The following KIF6 variants were observed in gnomAD, a reference collection of about 807,000 sequenced individuals.
The protein encoded by KIF6 is kinesin-like protein KIF6.
A neutral mutation model predicts 112.7 loss-of-function variants in KIF6; 106 were observed. That is an observed-to-expected ratio of 0.94 (90% confidence interval 0.80 to 1.11). The LOEUF is 1.11. KIF6 is among the 50% of genes least tolerant of loss of function. The pLI, the probability that KIF6 is intolerant of heterozygous loss-of-function variation, is 0.00. For missense variants in KIF6, 929 were observed against 964.0 expected, an observed-to-expected ratio of 0.96 and a Z score of 0.48; for synonymous variants, 339 against 339.9, an observed-to-expected ratio of 1.00 and a Z score of 0.03.
intron 14 of KIF6, among the ~76,000 whole-genome samples, chr6:39,420,791 C>A (rs570886015): frequency 5.3e-5 from 8 of 152,086 alleles, no homozygotes; most frequent in Non-Finnish European, 1.2e-4. Context: ...TGATTTTGTG[C>A]CCCGATGTTT....
chr6:39,549,672 C>G (rs997024942), intron 10 of KIF6, among the ~76,000 whole-genome samples: 18 of 152,182 alleles, frequency 1.2e-4, no homozygotes, highest in African/African-American at 4.1e-4. Flanking sequence ...AACTGAAAAG[C>G]AGTTGCTTAG....
Position 39,639,602 on chromosome 6 carries a change from T to C in KIF6, c.399+8A>G. 1 of 1,551,054 alleles carries C rather than the reference T, an allele frequency of 6.4e-7. No homozygotes were observed. The highest frequency in any genetic ancestry group is 8.7e-7 in the Non-Finnish European group (1 of 1,152,874). On this transcript the variant is annotated splice_region_variant and intron_variant, in intron 4 of 22. Coordinates refer to ENST00000287152, the MANE Select transcript of KIF6 (RefSeq NM_145027.6). ...AATACAAAATGATATGAACGAAAAG[T>C]TTCATACCTTTTGTAACTGTTCAAA...
chr6:39,649,474 TAAACTAGAGTCA>T (rs2150787136), intron 3 of KIF6, among the ~76,000 whole-genome samples: 1 of 152,298 alleles, frequency 6.6e-6, no homozygotes, highest in Non-Finnish European at 1.5e-5. Flanking sequence ...TACTGGTTAT[TAAACTAGAGTCA>T]CAAAGAAAGA....
intron 3 of KIF6, among the ~76,000 whole-genome samples, chr6:39,681,243 T>G (rs1787492107): frequency 2.6e-5 from 4 of 152,210 alleles, no homozygotes. Flanking sequence ...CCAAGCTGTT[T>G]CCATATTTCA....
intron 3 of KIF6, among the ~76,000 whole-genome samples, chr6:39,711,426 C>A (rs1045549236): frequency 1.3e-5 from 2 of 152,054 alleles, no homozygotes; most frequent in African/African-American, 4.8e-5. Context: ...GAGTGCTATA[C>A]CCAGTCAAAT....
chr6:39,341,234 G>T (rs370294998), intron 22 of KIF6, among the ~76,000 whole-genome samples: 1 of 152,058 alleles, frequency 6.6e-6, no homozygotes, highest in East Asian at 1.9e-4. Flanking sequence ...TGGCTAAATG[G>T]TGCTTGTCCA....
Position 39,356,302 on chromosome 6 carries a change from G to A in KIF6, c.2180+975C>T, listed in dbSNP as rs188843711. On this transcript the variant is annotated intron_variant, in intron 19 of 22. Coordinates refer to ENST00000287152, the MANE Select transcript of KIF6 (RefSeq NM_145027.6). ...TTTTTTTTTTTGAGACGGAGTCTCT[G>A]TCGCCCAGGCTGGAGTGCAGTGGCA... Among the ~76,000 whole-genome samples, 64 of 151,458 alleles carry A rather than the reference G, an allele frequency of 4.2e-4. 1 individual carries two copies. In the East Asian group the frequency reaches 0.012, roughly 29 times the overall value.
At chr6:39,445,430 G>A (rs1032006093) in intron 13 of KIF6, among the ~76,000 whole-genome samples, 2 of 152,206 alleles carry the variant, frequency 1.3e-5, no homozygotes, top group African/African-American at 2.4e-5. Context: ...TTCAGGCTGA[G>A]TCAACTGGTG....
At chr6:39,488,096 T>C (rs1775240658) in intron 13 of KIF6, among the ~76,000 whole-genome samples, 1 of 152,140 alleles carries the variant, frequency 6.6e-6, no homozygotes, top group South Asian at 2.1e-4. Context: ...TAATAATTTC[T>C]ATTATATTTC....
At chr6:39,504,269 C>T (rs114761742) in intron 13 of KIF6, among the ~76,000 whole-genome samples, 3,517 of 152,246 alleles carry the variant, frequency 0.023, 87 homozygotes, top group African/African-American at 0.064. Flanking sequence ...ACGATTATCT[C>T]AATCGAAGCA....
chr6:39,588,506 G>C (rs1484617052), intron 7 of KIF6, among the ~76,000 whole-genome samples: 2 of 152,138 alleles, frequency 1.3e-5, no homozygotes, highest in Admixed American at 6.5e-5. Context: ...GAGCCACTGT[G>C]CCCAGCCATT....
intron 13 of KIF6, among the ~76,000 whole-genome samples, chr6:39,526,564 T>A (rs957857856): frequency 1.3e-5 from 2 of 152,192 alleles, no homozygotes; most frequent in Non-Finnish European, 2.9e-5. Context: ...CAGAGATCCG[T>A]GTACTTACTC....
rs111567376 is a variant in KIF6, at chr6:39,394,899, T to G, written c.1811-9227A>C. 5.6e-3 allele frequency among the ~76,000 whole-genome samples: 859 copies of G among 152,340 alleles called. 10 individuals carry two copies. Among genetic ancestry groups the G allele is most frequent in the African/African-American group, 0.017 (723 of 41,588 alleles). On this transcript the variant is annotated intron_variant, in intron 15 of 22. Transcript: ENST00000287152. ...AAACATCACCGGAACTTGTCTTGAT[T>G]TCCCCCCGTGGGGATTTTCTCAAGG...
intron 16 of KIF6, among the ~76,000 whole-genome samples, chr6:39,363,920 G>C (rs1220615318): frequency 6.6e-6 from 1 of 152,190 alleles, no homozygotes; most frequent in Non-Finnish European, 1.5e-5. Context: ...TTGCAGGGTA[G>C]TGCATTTCAT....
chr6:39,426,889 A>T (rs990981487), intron 14 of KIF6, among the ~76,000 whole-genome samples: 1 of 152,162 alleles, frequency 6.6e-6, no homozygotes, highest in Non-Finnish European at 1.5e-5. Context: ...TAATCCCTAC[A>T]TTTGTGCTTA....
chr6:39,475,066 A>G (rs1253145052), intron 13 of KIF6, among the ~76,000 whole-genome samples: 1 of 152,228 alleles, frequency 6.6e-6, no homozygotes, highest in Non-Finnish European at 1.5e-5. Context: ...GTTAAGAAAC[A>G]AATGTTGGAA....
intron 13 of KIF6, among the ~76,000 whole-genome samples, chr6:39,440,625 T>G (rs200930895): frequency 7.3e-6 from 1 of 136,212 alleles, no homozygotes; most frequent in African/African-American, 2.5e-5. Flanking sequence ...CTCCCCTCTC[T>G]TCTTTAGTTG....
chr6:39,358,968 T>C (rs6916428), intron 18 of KIF6, among the ~76,000 whole-genome samples: 73,429 of 152,156 alleles, frequency 0.48, 20,331 homozygotes, highest in African/African-American at 0.78. Context: ...AAGTGGTACA[T>C]GTATTACTAT....
chr6:39,388,713 C>T (rs924377739), intron 15 of KIF6, among the ~76,000 whole-genome samples: 2 of 152,184 alleles, frequency 1.3e-5, no homozygotes, highest in Non-Finnish European at 2.9e-5. Context: ...ATTCACTCAG[C>T]ATGCAGCTTG....
Sources: gnomAD v4.1 joint callset for allele counts (sites outside exome capture counted in the v4.1 genomes callset) on GRCh38, gnomAD v4.1.1 for gene constraint, MANE v1.5 for transcripts, NCBI Gene and HGNC (gene_info 2026-07-23, HGNC 2026-07-21) for gene names.